The following AGO3 variants were observed in gnomAD, a reference collection of about 807,000 sequenced individuals.
The protein encoded by AGO3 is protein argonaute-3.
AGO3 carries 16 observed loss-of-function variants against 105.5 expected under a neutral mutation model. That is an observed-to-expected ratio of 0.15 (90% CI 0.10 to 0.23). The LOEUF (loss-of-function observed/expected upper bound fraction) is 0.23, where lower values mean the gene tolerates loss of function less well. AGO3 is among the 10% of genes least tolerant of loss of function. The pLI, the probability that AGO3 is intolerant of heterozygous loss-of-function variation, is 1.00. For synonymous variants in AGO3, 340 were observed against 367.3 expected (o/e 0.93, Z 0.85); for missense variants, 534 against 1,088.0 (o/e 0.49, Z 7.16).
chr1:36,002,928 G>A (rs180988349), intron 5 of AGO3, among the ~76,000 whole-genome samples: 89 of 152,148 alleles, frequency 5.8e-4, no homozygotes, highest in Middle Eastern at 3.4e-3. Flanking sequence ...AAAATTAGCC[G>A]GGTGTGGTGG....
intron 17 of AGO3, among the ~76,000 whole-genome samples, chr1:36,047,381 C>A (rs1642518784): frequency 6.7e-6 from 1 of 150,034 alleles, no homozygotes. Context: ...GCTTCAACAG[C>A]AGATTTGATC....
intron 5 of AGO3, among the ~76,000 whole-genome samples, chr1:35,994,200 G>C (rs1648045703): frequency 6.7e-6 from 1 of 149,126 alleles, no homozygotes; most frequent in Non-Finnish European, 1.5e-5. Flanking sequence ...TCTCCCATCT[G>C]GGCCTCCCAA....
In AGO3 at chr1:36,062,700, A is replaced by C. The variant is rs1569977217; in HGVS notation, c.*6955A>C. 1.3e-5 allele frequency: 2 copies of C among 152,292 alleles called. No individual in the cohort carries two copies. Among genetic ancestry groups the C allele is most frequent in the East Asian group, 3.9e-4 (2 of 5,188 alleles). The allele number at this position is 152,292 out of a possible 1,614,324, so 9.4% of individuals were successfully genotyped here. On this transcript the variant is annotated 3_prime_UTR_variant, in exon 19 of 19. Transcript: ENST00000373191. ...AATAGCAGTAAATGATCACCTAGGC[A>C]CTTCTTTCCTGTGAATTTGGTGAGC...
chr1:36,063,088 A>G lies in AGO3; in HGVS notation c.*7343A>G, dbSNP rs1643044425. 3 of 152,316 alleles carry G rather than the reference A, an allele frequency of 2.0e-5. No homozygotes were observed. The highest frequency in any genetic ancestry group is 4.1e-4 in the South Asian group (2 of 4,832). The allele number at this position is 152,316 out of a possible 1,614,324, so 9.4% of individuals were successfully genotyped here. A position where few individuals can be genotyped will look rare whatever the true frequency, so the allele number is the denominator to read the frequency against. On this transcript the variant is annotated 3_prime_UTR_variant, in exon 19 of 19. Transcript: ENST00000373191. The stretch of plus-strand genomic sequence containing the variant: ...AAAGATTAAGATGGAGTGTTAATAT[A>G]CCAACCAAACTACGAATTCCATAAA...
chr1:35,990,219 A>AT (rs1647493311), intron 5 of AGO3, among the ~76,000 whole-genome samples: 2 of 152,188 alleles, frequency 1.3e-5, no homozygotes, highest in African/African-American at 4.8e-5. Flanking sequence ...AGTTAAATTT[A>AT]TTTTTGTGGC....
chr1:36,055,904 T>C lies in AGO3; in HGVS notation c.*159T>C, dbSNP rs1642902447. The C allele has an allele frequency of 3.2e-6, 2 of 615,494 alleles. No individual in the cohort carries two copies. Among genetic ancestry groups the C allele is most frequent in the Admixed American group, 6.3e-5 (2 of 31,818 alleles). 38.1% of individuals were successfully genotyped at this position (615,494 alleles called of 1,614,324 possible). The stretch of plus-strand genomic sequence containing the variant: ...GATCCTTATGTTAATACAAGGAAGA[T>C]TGTTTACTTCATCAAGGAACACAGC... On this transcript the variant is annotated 3_prime_UTR_variant, in exon 19 of 19. Transcript: ENST00000373191. This position sits in a 1 kb window ranked among gnomAD's most constrained non-coding sequence, Gnocchi z 4.4.
At chr1:35,982,090 A>G (rs1479490916) in intron 5 of AGO3, among the ~76,000 whole-genome samples, 1 of 152,228 alleles carries the variant, frequency 6.6e-6, no homozygotes, top group Non-Finnish European at 1.5e-5. Context: ...AATTGCTGTT[A>G]TGTTCCTACT....
intron 1 of AGO3, among the ~76,000 whole-genome samples, chr1:35,936,475 A>G (rs975700058): frequency 2.6e-5 from 4 of 152,100 alleles, no homozygotes; most frequent in African/African-American, 4.8e-5. Flanking sequence ...CTAGAGTGCA[A>G]TGGTGTGATC....
At position 35,945,674 on chromosome 1, in the gene AGO3, T is replaced by A. The variant is rs1288737097; in HGVS notation, c.20-18T>A. On this transcript the variant is annotated intron_variant, in intron 1 of 18. Coordinates refer to ENST00000373191, the MANE Select transcript of AGO3 (RefSeq NM_024852.4). ...AGCTTGTAACTGTGACTCTTTTTTT[T>A]TCCCTTTCCCCTGGCAGGACCCGCT... The A allele has an allele frequency of 1.9e-6, 3 of 1,606,500 alleles. No homozygotes were observed. Among genetic ancestry groups the A allele is most frequent in the Non-Finnish European group, 2.5e-6 (3 of 1,178,058 alleles).
At chr1:35,959,875 A>T (rs1166430588) in intron 2 of AGO3, among the ~76,000 whole-genome samples, 1 of 151,912 alleles carries the variant, frequency 6.6e-6, no homozygotes, top group Non-Finnish European at 1.5e-5. Context: ...ATTATGCTTA[A>T]ATTTTAATAT....
intron 3 of AGO3, among the ~76,000 whole-genome samples, chr1:35,971,642 AAGC>A (rs1646873151): frequency 6.6e-6 from 1 of 152,088 alleles, no homozygotes; most frequent in African/African-American, 2.4e-5. Flanking sequence ...TTGCAGAAGT[AAGC>A]AGATATGTGA....
At chr1:35,977,856 CT>C (rs1325913219) in intron 5 of AGO3, among the ~76,000 whole-genome samples, 3 of 151,688 alleles carry the variant, frequency 2.0e-5, no homozygotes, top group Admixed American at 2.0e-4. Flanking sequence ...GCATCTATTA[CT>C]TCTTATCAAA....
chr1:36,013,263 A>G (rs777391715), intron 9 of AGO3, among the ~76,000 whole-genome samples: 4 of 152,044 alleles, frequency 2.6e-5, no homozygotes, highest in Admixed American at 2.0e-4. Context: ...TTTTGTAGAG[A>G]CAGGGTCTCA....
chr1:35,939,821 C>T (rs547471763), intron 1 of AGO3, among the ~76,000 whole-genome samples: 326 of 152,136 alleles, frequency 2.1e-3, no homozygotes, highest in Non-Finnish European at 3.4e-3. Flanking sequence ...ATTGTACCCA[C>T]CACCCAAACG....
In AGO3 at chr1:35,934,539, C is replaced by T. The variant is rs148897542; in HGVS notation, c.19+3094C>T. ...CATATATGGGAAGCTAGAACTAAAT[C>T]AAGATTGGGATTTGAATGATGTAGA... is the stretch of plus-strand genomic sequence containing the variant. On this transcript the variant is annotated intron_variant, in intron 1 of 18. Coordinates refer to ENST00000373191, the MANE Select transcript of AGO3 (RefSeq NM_024852.4). Among the ~76,000 whole-genome samples, 675 of 152,216 alleles carry T rather than the reference C, an allele frequency of 4.4e-3. 9 individuals are homozygous for T. Among genetic ancestry groups the T allele is most frequent in the African/African-American group, 0.015 (636 of 41,526 alleles).
In AGO3 at chr1:36,008,582, T is replaced by C; in HGVS notation, c.794-108T>C. The C allele has an allele frequency of 1.0e-6, 1 of 970,082 alleles. No homozygotes were observed. The highest frequency in any genetic ancestry group is 1.5e-6 in the Non-Finnish European group (1 of 651,086). 60.1% of individuals were successfully genotyped at this position (970,082 alleles called of 1,614,324 possible). ...ATATCATCTTGCCTGTATCACAGAA[T>C]TTTTTGTCTGTTCAGAATTGAGTTT... On this transcript the variant is annotated intron_variant, in intron 6 of 18. Coordinates refer to ENST00000373191, the MANE Select transcript of AGO3 (RefSeq NM_024852.4). This position sits in a 1 kb window ranked among gnomAD's most constrained non-coding sequence, Gnocchi z 5.1.
At chr1:36,028,332 G>T (rs1641601660) in intron 12 of AGO3, among the ~76,000 whole-genome samples, 1 of 151,078 alleles carries the variant, frequency 6.6e-6, no homozygotes, top group African/African-American at 2.4e-5. Flanking sequence ...GTGCCATGCT[G>T]GTGCGCTGCA....
intron 5 of AGO3, among the ~76,000 whole-genome samples, chr1:36,002,268 T>C (rs1213917273): frequency 2.6e-5 from 4 of 151,678 alleles, no homozygotes; most frequent in East Asian, 1.9e-4. Flanking sequence ...TCAATGCACC[T>C]TGGGCTCCCA....
chr1:36,033,473 A>G (rs1569877836), intron 12 of AGO3, among the ~76,000 whole-genome samples: 1 of 151,156 alleles, frequency 6.6e-6, no homozygotes, highest in East Asian at 1.9e-4. Context: ...GACCTCCCTC[A>G]TCTCTACTTA....
Sources: allele counts gnomAD v4.1 joint callset (sites outside exome capture counted in the v4.1 genomes callset), GRCh38; gene constraint gnomAD v4.1.1; non-coding constraint Gnocchi (gnomAD v3.1); transcripts MANE v1.5; gene names NCBI Gene and HGNC (gene_info 2026-07-23, HGNC 2026-07-21).